The following RAI14 variants were observed in gnomAD, a reference collection of about 807,000 sequenced individuals.
RAI14 encodes the protein ankycorbin.
In RAI14, 45 loss-of-function variants were observed where a neutral mutation model predicts 115.4. That is an observed-to-expected ratio of 0.39 (90% CI 0.31 to 0.50). The LOEUF is 0.50. RAI14 is among the 20% of genes least tolerant of loss of function. The probability of loss-of-function intolerance (pLI) is 0.85; values close to 1 mark genes in which losing one functional copy is unlikely to be tolerated. For missense variants in RAI14, 939 were observed against 1,131.2 expected, an observed-to-expected ratio of 0.83 and a Z score of 2.44; for synonymous variants, 371 against 415.4, an observed-to-expected ratio of 0.89 and a Z score of 1.30.
intron 3 of RAI14, among the ~76,000 whole-genome samples, chr5:34,765,690 G>GA (rs1749255926): frequency 6.6e-6 from 1 of 152,216 alleles, no homozygotes; most frequent in African/African-American, 2.4e-5. Context: ...AGATAGAAAA[G>GA]AAAAATTCAT....
chr5:34,752,286 A>G (rs1747133830), intron 2 of RAI14, among the ~76,000 whole-genome samples: 1 of 152,214 alleles, frequency 6.6e-6, no homozygotes, highest in African/African-American at 2.4e-5. Flanking sequence ...TAAATGAAAA[A>G]ACAAATATTT....
chr5:34,778,784 G>A (rs1262930456), intron 3 of RAI14, among the ~76,000 whole-genome samples: 1 of 151,048 alleles, frequency 6.6e-6, no homozygotes, highest in Non-Finnish European at 1.5e-5. Flanking sequence ...CTATCTTAAT[G>A]GTATAAATAT....
chr5:34,795,623 T>C (rs796964931), intron 3 of RAI14, among the ~76,000 whole-genome samples: 2 of 152,224 alleles, frequency 1.3e-5, no homozygotes, highest in Non-Finnish European at 2.9e-5. Context: ...GTTGGGACTT[T>C]CTGATTTGTT....
intron 2 of RAI14, among the ~76,000 whole-genome samples, chr5:34,722,033 C>T (rs918924957): frequency 6.6e-6 from 1 of 152,056 alleles, no homozygotes; most frequent in African/African-American, 2.4e-5. Context: ...CTTTTAACTG[C>T]TCTAGAAGAG....
chr5:34,687,871 T>C, intron 2 of RAI14: 1 of 1,101,296 alleles, frequency 9.1e-7, no homozygotes, highest in Non-Finnish European at 1.3e-6. Context: ...GTGTCTTTTA[T>C]GGCTGATATG....
intron 3 of RAI14, among the ~76,000 whole-genome samples, chr5:34,771,360 C>G (rs6874651): frequency 0.24 from 36,824 of 152,016 alleles, 6,146 homozygotes; most frequent in African/African-American, 0.48. Context: ...AGGAACTGAT[C>G]ATGGTAACAG....
chr5:34,701,258 T>A lies in RAI14; in HGVS notation c.36+14303T>A, dbSNP rs370591290. 1.3e-4 allele frequency among the ~76,000 whole-genome samples: 20 copies of A among 152,334 alleles called. No individual in the cohort carries two copies. The South Asian group carries it at 4.1e-3, about 32-fold the overall frequency. On this transcript the variant is annotated intron_variant, in intron 2 of 17. Coordinates refer to ENST00000265109, the MANE Select transcript of RAI14 (RefSeq NM_015577.3). Reference sequence around the variant, plus strand: ...TACGAGACAAGGAAGAAAATTAAAATATTTTACCCTAAAATATGTTTATTT... The same window carrying A: ...TACGAGACAAGGAAGAAAATTAAAAAATTTTACCCTAAAATATGTTTATTT...
intron 2 of RAI14, among the ~76,000 whole-genome samples, chr5:34,709,193 A>G (rs1200166485): frequency 2.6e-5 from 4 of 152,082 alleles, no homozygotes; most frequent in African/African-American, 4.8e-5. Flanking sequence ...CTTGCCTGTA[A>G]TCCCAGCAAT....
intron 3 of RAI14, among the ~76,000 whole-genome samples, chr5:34,767,578 TGCCACC>T (rs1276205528): frequency 1.3e-5 from 2 of 150,062 alleles, no homozygotes; most frequent in Admixed American, 6.6e-5. Context: ...ATGCTGTCGC[TGCCACC>T]GCCACCGCCC....
Position 34,687,689 on chromosome 5 carries a change from G to T in RAI14, c.36+734G>T, listed in dbSNP as rs114135574. On this transcript the variant is annotated intron_variant, in intron 2 of 17. Coordinates refer to ENST00000265109, the MANE Select transcript of RAI14 (RefSeq NM_015577.3). The stretch of plus-strand genomic sequence containing the variant: ...CTTTGAGCAGAGTTGTGGAGTGGGA[G>T]AAATTAATGGAAGGGAATTAGATGG... The T allele has an allele frequency of 8.7e-3, 13,551 of 1,551,530 alleles. 95 individuals carry two copies. Among genetic ancestry groups the T allele is most frequent in the Non-Finnish European group, 0.011 (12,055 of 1,146,886 alleles).
chr5:34,784,338 A>G (rs988298563), intron 3 of RAI14, among the ~76,000 whole-genome samples: 11 of 152,236 alleles, frequency 7.2e-5, no homozygotes, highest in African/African-American at 2.7e-4. Flanking sequence ...AGCACCTTCA[A>G]TTGGTTTAAA....
intron 2 of RAI14, among the ~76,000 whole-genome samples, chr5:34,750,515 G>A (rs755828095): frequency 2.0e-5 from 3 of 152,080 alleles, no homozygotes; most frequent in South Asian, 2.1e-4. Flanking sequence ...AGACTGAACC[G>A]TTCGAAGGCG....
chr5:34,819,114 G>A (rs1365438858), intron 13 of RAI14, among the ~76,000 whole-genome samples: 1 of 152,104 alleles, frequency 6.6e-6, no homozygotes, highest in Non-Finnish European at 1.5e-5. Flanking sequence ...TTAGCAGTTC[G>A]TTCAATTATG....
Position 34,788,707 on chromosome 5 carries a change from C to T in RAI14, c.168-7232C>T, listed in dbSNP as rs564020564. 4.6e-5 allele frequency among the ~76,000 whole-genome samples: 7 copies of T among 152,228 alleles called. No homozygotes were observed. In the South Asian group the frequency reaches 6.2e-4, roughly 14 times the overall value. ...ATGTTTGGCTGGGCATGGTGGCTCA[C>T]GCCTGTAATCCCAGCACTTTGGGAG... On this transcript the variant is annotated intron_variant, in intron 3 of 17. Coordinates refer to ENST00000265109, the MANE Select transcript of RAI14 (RefSeq NM_015577.3).
chr5:34,779,007 TC>T (rs1167010875), intron 3 of RAI14, among the ~76,000 whole-genome samples: 2 of 151,446 alleles, frequency 1.3e-5, no homozygotes, highest in Admixed American at 6.6e-5. Flanking sequence ...CAGCAACACA[TC>T]AAAAAGCTTA....
chr5:34,772,527 T>A (rs1237461001), intron 3 of RAI14, among the ~76,000 whole-genome samples: 1 of 152,212 alleles, frequency 6.6e-6, no homozygotes, highest in East Asian at 1.9e-4. Flanking sequence ...AAACTTAAGA[T>A]GTTCCTAGAG....
chr5:34,783,704 T>C (rs895678060), intron 3 of RAI14, among the ~76,000 whole-genome samples: 1 of 152,220 alleles, frequency 6.6e-6, no homozygotes, highest in African/African-American at 2.4e-5. Context: ...TTGCAACTGC[T>C]GTTTCAGGGA....
chr5:34,757,287 G>A, intron 2 of RAI14, 181 bp from the exon 3 acceptor site: 2 of 697,400 alleles, frequency 2.9e-6, no homozygotes, highest in Admixed American at 4.1e-5. Context: ...TTTCTTTTGG[G>A]AAAGCGGCCT....
intron 4 of RAI14, among the ~76,000 whole-genome samples, chr5:34,798,098 C>T (rs994174442): frequency 3.3e-5 from 5 of 152,138 alleles, no homozygotes; most frequent in Non-Finnish European, 7.4e-5. Flanking sequence ...TGCACTGGCA[C>T]GATCTCTGCT....
Sources: gnomAD v4.1 joint callset for allele counts (sites outside exome capture counted in the v4.1 genomes callset) on GRCh38, gnomAD v4.1.1 for gene constraint, MANE v1.5 for transcripts, NCBI Gene and HGNC (gene_info 2026-07-23, HGNC 2026-07-21) for gene names.